The following EFCAB9 variants were observed in gnomAD, a reference collection of about 807,000 sequenced individuals.
The protein encoded by EFCAB9 is EF-hand calcium binding domain 9, also known as EF-hand calcium-binding domain-containing protein 9.
Under a neutral mutation model 15.6 loss-of-function variants are expected in EFCAB9, and 16 were observed. The observed-to-expected ratio is 1.03, with a 90% confidence interval of 0.69 to 1.56. The LOEUF is 1.56. EFCAB9 is among the 40% of genes most tolerant of loss of function. The probability of loss-of-function intolerance (pLI) is 0.00; values close to 1 mark genes in which losing one functional copy is unlikely to be tolerated. For missense variants in EFCAB9, 208 were observed against 235.4 expected, an observed-to-expected ratio of 0.88 and a Z score of 0.76; for synonymous variants, 76 against 85.4, an observed-to-expected ratio of 0.89 and a Z score of 0.61.
At chr5:172,200,282 C>A (rs377221340) in intron 2 of EFCAB9, among the ~76,000 whole-genome samples, 4 of 152,098 alleles carry the variant, frequency 2.6e-5, no homozygotes, top group South Asian at 2.1e-4. Flanking sequence ...TGATGTTTCA[C>A]AAGACTTTCA....
chr5:172,200,423 C>G (rs1300373034), intron 2 of EFCAB9, 143 bp from the exon 3 acceptor site: 3 of 765,440 alleles, frequency 3.9e-6, no homozygotes, highest in African/African-American at 1.8e-5. Flanking sequence ...CTGATAGAAC[C>G]CTTTCAGCCC....
At chr5:172,195,157 TAAATAAATAAATAAATAAATAAATAA>T (rs1476656980) in intron 1 of EFCAB9, among the ~76,000 whole-genome samples, 26 of 143,072 alleles carry the variant, frequency 1.8e-4, no homozygotes, top group Middle Eastern at 7.4e-3. Flanking sequence ...TGACCAAAAA[TAAATAAATAAATAAATAAATAAATAA>T]AAATAAATAA....
chr5:172,202,358 A>G (rs769650969), intron 3 of EFCAB9, among the ~76,000 whole-genome samples: 69 of 149,028 alleles, frequency 4.6e-4, no homozygotes, highest in Non-Finnish European at 8.2e-4. Flanking sequence ...AAAAAAAAAG[A>G]AAGTAATGGC....
intron 1 of EFCAB9, among the ~76,000 whole-genome samples, chr5:172,195,961 A>G (rs1771153958): frequency 6.6e-6 from 1 of 151,826 alleles, no homozygotes; most frequent in African/African-American, 2.4e-5. Context: ...GCACCACCAC[A>G]CCCGCTAATT....
rs75456245 is a variant in EFCAB9 at position 172,200,100 on chromosome 5, G to A, written c.286-466G>A. Among the ~76,000 whole-genome samples the A allele has an allele frequency of 0.014, 2,114 of 151,970 alleles. 108 individuals are homozygous for A. In the East Asian group the frequency reaches 0.18, roughly 13 times the overall value. ...CACCTGGCTAATTTCTGTATTTTTA[G>A]TAGAGATGGGGTTTCACCATGTTGG... On this transcript the variant is annotated intron_variant, in intron 2 of 3. Coordinates refer to ENST00000398186, the MANE Select transcript of EFCAB9 (RefSeq NM_001171183.2).
chr5:172,194,448 GGAGTACGATGGCGC>G, intron 1 of EFCAB9, 140 bp downstream of exon 1: 1 of 1,121,482 alleles, frequency 8.9e-7, no homozygotes, highest in East Asian at 2.7e-5. Context: ...TGCCCAGGCT[GGAGTACGATGGCGC>G]GATCTCAGCT....
At chr5:172,202,821 G>A (rs1376378015) in intron 3 of EFCAB9, among the ~76,000 whole-genome samples, 5 of 152,110 alleles carry the variant, frequency 3.3e-5, no homozygotes. Flanking sequence ...CCAACGTGAT[G>A]AAACCCCATC....
intron 2 of EFCAB9, 146 bp downstream of exon 2, chr5:172,199,677 T>G (rs2113860024): frequency 8.1e-7 from 1 of 1,233,850 alleles, no homozygotes; most frequent in Middle Eastern, 2.8e-4. Flanking sequence ...ATGGTTCAGG[T>G]TTTTCAACAG....
At chr5:172,200,428 C>A in intron 2 of EFCAB9, 138 bp from the exon 3 acceptor site, 1 of 842,586 alleles carries the variant, frequency 1.2e-6, no homozygotes, top group Non-Finnish European at 1.7e-6. Context: ...AGAACCCTTT[C>A]AGCCCTGAGC....
In EFCAB9 at chr5:172,203,193, TCC is replaced by T; in HGVS notation, c.463-15_463-14del. 1.4e-6 allele frequency: 2 copies of T among 1,459,964 alleles called. No homozygotes were observed. The highest frequency in any genetic ancestry group is 2.5e-5 in the East Asian group (1 of 39,716). 90.4% of individuals were successfully genotyped at this position (1,459,964 alleles called of 1,614,324 possible). On this transcript the variant is annotated intron_variant, in intron 3 of 3. Transcript: ENST00000398186. Reference sequence around the variant, plus strand: ...AGTTTTTCCTGAAATAATTTTTCTTTCCCCCCCACCCTAACCAAAGCGTCTTA... The same window carrying T: ...AGTTTTTCCTGAAATAATTTTTCTTTCCCCCACCCTAACCAAAGCGTCTTA...
chr5:172,200,691 A>G lies in EFCAB9; in HGVS notation c.411A>G (p.Gln137=), dbSNP rs77598074. ...TGTACAGATTTCTCTTCAATATTCA[A>G]AAACAGGAACTCAAAGATCTCTTCC... ...FEMYRFLFNI[Q]KQELKDLFRD... The change falls in exon 3 of 4, where the codon CAA becomes CAG. Residue 137 remains glutamine, a synonymous_variant. Transcript: ENST00000398186. 8,709 of 1,537,520 alleles carry G rather than the reference A, an allele frequency of 5.7e-3. 351 individuals are homozygous for G. In the African/African-American group the frequency reaches 0.095, roughly 17 times the overall value.
At chr5:172,202,462 T>G (rs1196859126) in intron 3 of EFCAB9, among the ~76,000 whole-genome samples, 1 of 151,282 alleles carries the variant, frequency 6.6e-6, no homozygotes, top group African/African-American at 2.4e-5. Flanking sequence ...AATCCCAACA[T>G]TTTGGGAGGC....
chr5:172,197,333 G>T (rs564121014), intron 1 of EFCAB9, among the ~76,000 whole-genome samples: 5 of 151,996 alleles, frequency 3.3e-5, no homozygotes, highest in African/African-American at 1.2e-4. Context: ...TCTCGAACTC[G>T]TGACCTCAGG....
At chr5:172,202,457 C>T (rs961658636) in intron 3 of EFCAB9, among the ~76,000 whole-genome samples, 2 of 151,898 alleles carry the variant, frequency 1.3e-5, no homozygotes, top group African/African-American at 4.8e-5. Context: ...ACTGTAATCC[C>T]AACATTTTGG....
chr5:172,195,965 G>C (rs773992344), intron 1 of EFCAB9, among the ~76,000 whole-genome samples: 24 of 152,036 alleles, frequency 1.6e-4, no homozygotes, highest in South Asian at 6.2e-4. Flanking sequence ...CACCACACCC[G>C]CTAATTTCTG....
chr5:172,203,302 G>T lies in EFCAB9; in HGVS notation c.551G>T (p.Gly184Val), dbSNP rs1771290223. 3 of 1,536,482 alleles carry T rather than the reference G, an allele frequency of 2.0e-6. 1 individual carries two copies. Among genetic ancestry groups the T allele is most frequent in the Non-Finnish European group, 2.6e-6 (3 of 1,146,700 alleles). Residue 184 changes from glycine (G) to valine (V), a missense_variant, in exon 4 of 4, where the codon GGA becomes GTA. By Grantham distance (109) the Gly-to-Val change is moderately radical. Coordinates refer to ENST00000398186, the MANE Select transcript of EFCAB9 (RefSeq NM_001171183.2). ...CAGAAAACAGAGGAGAAAGAAAAAGGAGAGAGAAAGAGAAGTCTCTACTCA... is the reference window on the plus strand; with the variant it reads ...CAGAAAACAGAGGAGAAAGAAAAAGTAGAGAGAAAGAGAAGTCTCTACTCA... ...KRQKTEEKEK[G>V]ERKRSLYSKC...
chr5:172,201,471 C>T (rs544442435), intron 3 of EFCAB9, among the ~76,000 whole-genome samples: 7 of 152,166 alleles, frequency 4.6e-5, no homozygotes, highest in African/African-American at 1.2e-4. Context: ...CACTTGAATC[C>T]GGGAGGCGGA....
chr5:172,195,116 A>G (rs1251330920), intron 1 of EFCAB9, among the ~76,000 whole-genome samples: 1 of 151,880 alleles, frequency 6.6e-6, no homozygotes, highest in African/African-American at 2.4e-5. Flanking sequence ...GATGAGCTGC[A>G]GGATCCCTTC....
intron 1 of EFCAB9, among the ~76,000 whole-genome samples, chr5:172,198,913 C>T (rs775565413): frequency 4.6e-5 from 7 of 152,236 alleles, no homozygotes; most frequent in East Asian, 1.9e-4. Context: ...TGTGCCTGGC[C>T]GAAGGGGAAT....
Sources: allele counts gnomAD v4.1 joint callset (sites outside exome capture counted in the v4.1 genomes callset), GRCh38; gene constraint gnomAD v4.1.1; transcripts MANE v1.5; gene names NCBI Gene and HGNC (gene_info 2026-07-23, HGNC 2026-07-21).